The following RTN3 variants were observed in gnomAD, a reference collection of about 807,000 sequenced individuals.
RTN3 encodes the protein reticulon 3, also known as reticulon-3.
A neutral mutation model predicts 77.8 loss-of-function variants in RTN3; 49 were observed. That is an observed-to-expected ratio of 0.63 (90% CI 0.50 to 0.80). The LOEUF is 0.80. RTN3 is among the 30% of genes least tolerant of loss of function. The pLI is 0.00. For synonymous variants in RTN3, 464 were observed against 446.9 expected, an observed-to-expected ratio of 1.04 and a Z score of -0.48; for missense variants, 1,236 against 1,211.9, an observed-to-expected ratio of 1.02 and a Z score of -0.29.
chr11:63,715,068 G>A (rs956059623), intron 2 of RTN3, among the ~76,000 whole-genome samples: 4 of 152,154 alleles, frequency 2.6e-5, no homozygotes, highest in Non-Finnish European at 5.9e-5. Flanking sequence ...TCTTTGGTTA[G>A]CATTCAATTT....
intron 2 of RTN3, among the ~76,000 whole-genome samples, chr11:63,711,776 C>G (rs962065890): frequency 6.6e-6 from 1 of 152,180 alleles, no homozygotes; most frequent in Non-Finnish European, 1.5e-5. Flanking sequence ...GTTGGTCAGG[C>G]TGGTCTCGAG....
Position 63,690,539 on chromosome 11 carries a change from G to A in RTN3, c.142+8761G>A, listed in dbSNP as rs376181335. Among the ~76,000 whole-genome samples, 113 of 152,250 alleles carry A rather than the reference G, an allele frequency of 7.4e-4. 1 individual carries two copies. The South Asian group carries it at 0.022, about 30-fold the overall frequency. On this transcript the variant is annotated intron_variant, in intron 1 of 8. Coordinates refer to ENST00000377819, the MANE Select transcript of RTN3 (RefSeq NM_001265589.2). The stretch of plus-strand genomic sequence containing the variant: ...CGATATAACCCCCTTCTTACAGATG[G>A]GGACTCAGGCACAGAGAGTTTAATG...
intron 3 of RTN3, among the ~76,000 whole-genome samples, chr11:63,730,598 A>G (rs940135531): frequency 6.6e-6 from 1 of 152,216 alleles, no homozygotes; most frequent in African/African-American, 2.4e-5. Context: ...CCTGGGCAAC[A>G]TAACCCTTAA....
intron 1 of RTN3, among the ~76,000 whole-genome samples, chr11:63,689,788 C>T (rs986094044): frequency 1.3e-5 from 2 of 151,660 alleles, no homozygotes; most frequent in Non-Finnish European, 2.9e-5. Context: ...GACAGAATCC[C>T]CCTCTGTTGC....
intron 3 of RTN3, among the ~76,000 whole-genome samples, chr11:63,734,111 T>C (rs117551929): frequency 0.035 from 5,367 of 152,252 alleles, 142 homozygotes; most frequent in Non-Finnish European, 0.052. Flanking sequence ...ACAGCTGATG[T>C]CATCCTTAAT....
At chr11:63,698,121 C>T (rs1282488023) in intron 1 of RTN3, among the ~76,000 whole-genome samples, 1 of 151,640 alleles carries the variant, frequency 6.6e-6, no homozygotes, top group Admixed American at 6.6e-5. Context: ...TTCTGTGACC[C>T]TTTTCATAGT....
chr11:63,744,674 G>T (rs1007382167), intron 3 of RTN3, among the ~76,000 whole-genome samples: 1 of 152,088 alleles, frequency 6.6e-6, no homozygotes, highest in Middle Eastern at 3.2e-3. Context: ...GCCAGAACAG[G>T]TACATGAAAA....
intron 1 of RTN3, among the ~76,000 whole-genome samples, chr11:63,695,625 T>C (rs1398266791): frequency 2.6e-5 from 4 of 152,238 alleles, no homozygotes; most frequent in African/African-American, 9.6e-5. Flanking sequence ...TATGCTGTGA[T>C]GAGCATGGCC....
intron 1 of RTN3, among the ~76,000 whole-genome samples, chr11:63,685,388 C>T (rs940111451): frequency 1.3e-5 from 2 of 149,890 alleles, no homozygotes; most frequent in Non-Finnish European, 3.0e-5. Context: ...CTCAGCTACT[C>T]GGGAGGCTGA....
chr11:63,709,390 C>G (rs1590814054), intron 2 of RTN3, among the ~76,000 whole-genome samples: 1 of 151,876 alleles, frequency 6.6e-6, no homozygotes, highest in African/African-American at 2.4e-5. Context: ...CTTTAGAAAA[C>G]ATTGGAAGAA....
intron 2 of RTN3, among the ~76,000 whole-genome samples, chr11:63,716,191 G>T (rs2011388452): frequency 6.6e-6 from 1 of 152,186 alleles, no homozygotes; most frequent in Admixed American, 6.5e-5. Context: ...ATGTGTTGAA[G>T]TAGGGGAACT....
chr11:63,743,995 G>A (rs1290567106), intron 3 of RTN3, among the ~76,000 whole-genome samples: 7 of 151,664 alleles, frequency 4.6e-5, no homozygotes, highest in Admixed American at 2.6e-4. Context: ...TGTAATTCCA[G>A]TGCTTTGGGA....
At position 63,741,983 on chromosome 11, in the gene RTN3, GT is replaced by G. The variant is rs752536035; in HGVS notation, c.2531-7994del. ...TTCAAAGTTGTTTTGGCTCTTCTAG[GT>G]TTTTTTTTTTTTTGAGATGGAGTCT... On this transcript the variant is annotated intron_variant, in intron 3 of 8. Transcript: ENST00000377819. 4.5e-3 allele frequency among the ~76,000 whole-genome samples: 623 copies of G among 139,964 alleles called. 3 individuals are homozygous for G. The highest frequency in any genetic ancestry group is 0.012 in the African/African-American group (479 of 38,442). The allele number at this position is 139,964 out of a possible 152,430, so 91.8% of individuals were successfully genotyped here. A position where few individuals can be genotyped will look rare whatever the true frequency, so the allele number is the denominator to read the frequency against.
rs557692118 is a variant in RTN3, at chr11:63,756,055, C to G, written c.2995-57C>G. 4 of 1,239,924 alleles carry G rather than the reference C, an allele frequency of 3.2e-6. No homozygotes were observed. The African/African-American group carries it at 5.9e-5, about 18-fold the overall frequency. 76.8% of individuals were successfully genotyped at this position (1,239,924 alleles called of 1,614,324 possible). A position where few individuals can be genotyped will look rare whatever the true frequency, so the allele number is the denominator to read the frequency against. On this transcript the variant is annotated intron_variant, in intron 7 of 8. Transcript: ENST00000377819. ...AAACTAGACAAAAGAGCCGTGCCTT[C>G]AGGAAAATTGGTGATCTGTATGTTA...
At chr11:63,755,987 GT>G in intron 7 of RTN3, 124 bp from the exon 8 acceptor site, 1 of 668,492 alleles carries the variant, frequency 1.5e-6, no homozygotes, top group Non-Finnish European at 2.7e-6. Flanking sequence ...AAAACTGGGT[GT>G]TTTCATTTTC....
At chr11:63,700,962 C>T (rs527778530) in intron 1 of RTN3, among the ~76,000 whole-genome samples, 39 of 151,608 alleles carry the variant, frequency 2.6e-4, no homozygotes, top group Admixed American at 8.5e-4. Flanking sequence ...TGGTGGTGCG[C>T]GCCTGTAGTC....
intron 1 of RTN3, among the ~76,000 whole-genome samples, chr11:63,694,497 A>G (rs761480479): frequency 6.6e-6 from 1 of 151,968 alleles, no homozygotes; most frequent in Non-Finnish European, 1.5e-5. Flanking sequence ...TTTTAAGACA[A>G]GGCATGGCTC....
intron 3 of RTN3, among the ~76,000 whole-genome samples, chr11:63,727,265 C>T (rs914513948): frequency 1.3e-5 from 2 of 152,172 alleles, no homozygotes; most frequent in African/African-American, 4.8e-5. Context: ...ATAATATTCA[C>T]AATGTCCAGG....
At chr11:63,747,950 CAG>C (rs1444756976) in intron 3 of RTN3, among the ~76,000 whole-genome samples, 6 of 152,044 alleles carry the variant, frequency 3.9e-5, no homozygotes, top group African/African-American at 1.4e-4. Flanking sequence ...TTTTTGAGAG[CAG>C]AGAGTGGCTG....
Sources: gnomAD v4.1 joint callset for allele counts (sites outside exome capture counted in the v4.1 genomes callset) on GRCh38, gnomAD v4.1.1 for gene constraint, MANE v1.5 for transcripts, NCBI Gene and HGNC (gene_info 2026-07-23, HGNC 2026-07-21) for gene names.